RBFOX1: variants seen among roughly 807,000 people sequenced by gnomAD.
RBFOX1 encodes RNA binding protein fox-1 homolog 1.
In RBFOX1, 8 loss-of-function variants were observed where a neutral mutation model predicts 57.7. That is an observed-to-expected ratio of 0.14 (90% CI 0.08 to 0.25). RBFOX1 has a LOEUF of 0.25. Ranked by LOEUF, RBFOX1 falls within the 10% of genes least tolerant of loss-of-function variation. The pLI is 1.00. For synonymous variants in RBFOX1, 326 were observed against 222.4 expected, an observed-to-expected ratio of 1.47 and a Z score of -4.15; for missense variants, 611 against 548.5, an observed-to-expected ratio of 1.11 and a Z score of -1.14.
chr16:7,641,827 C>T (rs2062853146), intron 11 of RBFOX1, among the ~76,000 whole-genome samples: 1 of 152,194 alleles, frequency 6.6e-6, no homozygotes, highest in African/African-American at 2.4e-5. Context: ...ATAGCCATGA[C>T]TACCTACCTA....
chr16:6,736,001 ACTT>A (rs2070181616), intron 3 of RBFOX1, among the ~76,000 whole-genome samples: 1 of 30,698 alleles, frequency 3.3e-5, no homozygotes, highest in Non-Finnish European at 6.6e-5. Flanking sequence ...AGGGTAATTA[ACTT>A]CTTCTTTTTG....
chr16:5,973,681 A>T (rs1006395027), intron 4 of RBFOX1, among the ~76,000 whole-genome samples: 3 of 152,228 alleles, frequency 2.0e-5, no homozygotes, highest in Non-Finnish European at 4.4e-5. Flanking sequence ...ATTCACATTT[A>T]TATCAGTAGA....
chr16:6,469,575 A>G (rs2095128525), intron 2 of RBFOX1, among the ~76,000 whole-genome samples: 1 of 152,226 alleles, frequency 6.6e-6, no homozygotes, highest in Non-Finnish European at 1.5e-5. Context: ...TCAGCACTCA[A>G]GAACAAATGC....
chr16:5,460,901 T>G (rs2068767846), intron 1 of RBFOX1, among the ~76,000 whole-genome samples: 1 of 152,194 alleles, frequency 6.6e-6, no homozygotes, highest in Non-Finnish European at 1.5e-5. Context: ...TAGTAGCGAT[T>G]ACACATATTG....
chr16:7,047,369 G>T (rs1007277424), intron 3 of RBFOX1, among the ~76,000 whole-genome samples: 1 of 151,974 alleles, frequency 6.6e-6, no homozygotes, highest in Non-Finnish European at 1.5e-5. Flanking sequence ...GTTATTTTCT[G>T]CTGACCTCTC....
At chr16:5,549,175 G>C (rs1049715613) in intron 2 of RBFOX1, among the ~76,000 whole-genome samples, 1 of 152,182 alleles carries the variant, frequency 6.6e-6, no homozygotes, top group African/African-American at 2.4e-5. Context: ...TTGTTCCTGA[G>C]GCAGCCATGA....
intron 4 of RBFOX1, among the ~76,000 whole-genome samples, chr16:7,236,487 C>T (rs1001330738): frequency 1.3e-5 from 2 of 152,234 alleles, no homozygotes; most frequent in African/African-American, 4.8e-5. Flanking sequence ...TCCATGGTTC[C>T]TAAATGCATC....
intron 1 of RBFOX1, among the ~76,000 whole-genome samples, chr16:5,315,600 G>C (rs998899389): frequency 6.6e-6 from 1 of 152,188 alleles, no homozygotes; most frequent in Non-Finnish European, 1.5e-5. Flanking sequence ...AATTATGCCT[G>C]ATGTTTGTGT....
At chr16:7,430,496 C>G (rs1020080390) in intron 4 of RBFOX1, among the ~76,000 whole-genome samples, 7 of 151,966 alleles carry the variant, frequency 4.6e-5, no homozygotes, top group African/African-American at 1.7e-4. Context: ...CCCGTCTTTA[C>G]TAAAAATACA....
chr16:6,880,872 G>T (rs1045980812), intron 3 of RBFOX1, among the ~76,000 whole-genome samples: 3 of 152,182 alleles, frequency 2.0e-5, no homozygotes, highest in Non-Finnish European at 4.4e-5. Context: ...ATTTTATGTG[G>T]TTGACAGAAA....
chr16:5,692,165 C>CTGTGTGTG (rs199585814), intron 3 of RBFOX1, among the ~76,000 whole-genome samples: 3 of 22,902 alleles, frequency 1.3e-4, no homozygotes, highest in Non-Finnish European at 9.1e-4. Context: ...TAGGGACTGA[C>CTGTGTGTG]TGTGTGTGTG....
chr16:5,778,775 C>T (rs745884347), intron 3 of RBFOX1, among the ~76,000 whole-genome samples: 3 of 152,126 alleles, frequency 2.0e-5, no homozygotes, highest in Non-Finnish European at 4.4e-5. Context: ...AGCTCTAACT[C>T]CCACCCCTCA....
intron 2 of RBFOX1, among the ~76,000 whole-genome samples, chr16:6,373,292 G>A (rs571096626): frequency 1.2e-4 from 18 of 152,142 alleles, no homozygotes; most frequent in African/African-American, 4.1e-4. Context: ...TCGGATGGGA[G>A]GATGGTTGGT....
At chr16:5,849,952 T>A (rs2056852175) in intron 3 of RBFOX1, among the ~76,000 whole-genome samples, 6 of 152,212 alleles carry the variant, frequency 3.9e-5, no homozygotes, top group Admixed American at 3.9e-4. Flanking sequence ...CGGATTTGTT[T>A]TCCTTTGCGG....
intron 1 of RBFOX1, among the ~76,000 whole-genome samples, chr16:5,251,139 C>T (rs2062440480): frequency 6.6e-6 from 1 of 152,226 alleles, no homozygotes; most frequent in Non-Finnish European, 1.5e-5. Context: ...CCCCCAGCCC[C>T]TGCTAACAGG....
chr16:6,671,488 A>G (rs2098764626), intron 3 of RBFOX1, among the ~76,000 whole-genome samples: 1 of 152,234 alleles, frequency 6.6e-6, no homozygotes, highest in Non-Finnish European at 1.5e-5. Context: ...TAATAGAAGA[A>G]TAGGGAAGTC....
intron 1 of RBFOX1, among the ~76,000 whole-genome samples, chr16:5,294,268 A>T (rs1162053975): frequency 6.6e-6 from 1 of 152,102 alleles, no homozygotes; most frequent in Non-Finnish European, 1.5e-5. Context: ...AAGTCAAAAA[A>T]TACTGATGCC....
chr16:6,351,112 A>G (rs2086276317), intron 2 of RBFOX1, among the ~76,000 whole-genome samples: 2 of 152,130 alleles, frequency 1.3e-5, no homozygotes, highest in East Asian at 1.9e-4. Flanking sequence ...TTATGACATA[A>G]AAGACATAAT....
chr16:6,029,123 C>T (rs1282407817), intron 1 of RBFOX1, among the ~76,000 whole-genome samples: 6 of 152,166 alleles, frequency 3.9e-5, no homozygotes, highest in Non-Finnish European at 7.3e-5. Flanking sequence ...CAGACAATAG[C>T]CTCTCACCCC....
Sources: allele counts gnomAD v4.1 joint callset (sites outside exome capture counted in the v4.1 genomes callset), GRCh38; gene constraint gnomAD v4.1.1; transcripts MANE v1.5; gene names NCBI Gene and HGNC (gene_info 2026-07-23, HGNC 2026-07-21).